Variants in UGT2B11 observed in about 807,000 individuals in gnomAD.
UGT2B11 encodes the protein UDP-glucuronosyltransferase 2B11.
UGT2B11 carries 49 observed loss-of-function variants against 51.7 expected under a neutral mutation model. That is an observed-to-expected ratio of 0.95 (90% confidence interval 0.75 to 1.20). The LOEUF (loss-of-function observed/expected upper bound fraction) is 1.20. Among genes scored for constraint, UGT2B11 ranks in the 50% most tolerant of loss-of-function variants. UGT2B11 has a pLI of 0.00. For synonymous variants in UGT2B11, 273 were observed against 209.0 expected (o/e 1.31, Z -2.64); for missense variants, 810 against 622.1 (o/e 1.30, Z -3.21).
At chr4:69,213,159 T>C (rs1027189919) in intron 1 of UGT2B11, among the ~76,000 whole-genome samples, 10 of 145,582 alleles carry the variant, frequency 6.9e-5, no homozygotes, top group African/African-American at 2.1e-4. Context: ...TTATCTTTGG[T>C]TCAAGTGAAC....
chr4:69,217,462 A>C (rs1286363035), upstream of UGT2B11, among the ~76,000 whole-genome samples: 1 of 152,114 alleles, frequency 6.6e-6, no homozygotes, highest in Non-Finnish European at 1.5e-5. Context: ...TGCATGCATT[A>C]TGTGTCACCC....
At chr4:69,223,742 G>C in the UGT2B11 span, among the ~76,000 whole-genome samples, 21 of 152,236 alleles carry the variant, frequency 1.4e-4, no homozygotes, top group South Asian at 4.2e-4. Flanking sequence ...TGTACTCTAG[G>C]CTTCTGTCCC....
rs551085437 is a variant in UGT2B11 at position 69,204,585 on chromosome 4, G to T, written c.1155C>A (p.Tyr385Ter). 1.9e-6 allele frequency: 3 copies of T among 1,612,134 alleles called. No individual in the cohort carries two copies. The South Asian group carries it at 3.3e-5, about 18-fold the overall frequency. The part of the protein sequence containing the change: ...GGANGIYEAI[Y>*]HGIPMVGIPL... ...GAATGCCCACCATAGGGATCCCATG[G>T]TAGATTGCCTCATAGATGCCATTGG... Residue 385 changes from tyrosine (Y) to a stop codon, truncating the protein, a stop_gained, in exon 5 of 6, where the codon TAC (tyrosine) becomes TAA (stop). Transcript: ENST00000446444. LOFTEE classifies it high-confidence loss of function.
Position 69,214,413 on chromosome 4 carries a change from T to C in UGT2B11, c.310A>G (p.Ser104Gly). The C allele has an allele frequency of 3.7e-6, 6 of 1,613,104 alleles. No homozygotes were observed. The South Asian group carries it at 5.5e-5, about 15-fold the overall frequency. Residue 104 changes from serine (S) to glycine (G), a missense_variant, in exon 1 of 6, where the codon AGC becomes GGC. Transcript: ENST00000446444. ...VKRWSDIRKD[S>G]FWLYFSQEQE... ...TCTTGTGAAAAATATAACCAAAAGC[T>C]ATCTTTTCGAATGTCTGACCATCTC...
chr4:69,207,152 G>A (rs750607581), intron 3 of UGT2B11, among the ~76,000 whole-genome samples: 4 of 151,492 alleles, frequency 2.6e-5, no homozygotes, highest in Non-Finnish European at 4.4e-5. Context: ...ATTGTACTTT[G>A]CTAAATTTGG....
chr4:69,214,821 A>G, upstream of UGT2B11: 1 of 1,512,194 alleles, frequency 6.6e-7, no homozygotes, highest in Non-Finnish European at 8.8e-7. Context: ...CCTCCAATCC[A>G]AAGTAAATAT....
chr4:69,208,311 T>C (rs1401415127), intron 3 of UGT2B11, 40 bp downstream of exon 3: 1 of 1,606,408 alleles, frequency 6.2e-7, no homozygotes, highest in Admixed American at 1.7e-5. Context: ...TAACAGCCTC[T>C]TTCAGCAGTT....
At position 69,208,409 on chromosome 4, in the gene UGT2B11, T is replaced by C; in HGVS notation, c.944A>G (p.Asn315Ser). 2 of 1,610,922 alleles carry C rather than the reference T, an allele frequency of 1.2e-6. No homozygotes were observed. Among genetic ancestry groups the C allele is most frequent in the Middle Eastern group, 1.8e-4 (1 of 5,622 alleles). Residue 315 changes from asparagine (N) to serine (S), a missense_variant, in exon 3 of 6, where the codon AAC becomes AGC. Asn to Ser is a conservative substitution (Grantham distance 46). Coordinates refer to ENST00000446444, the MANE Select transcript of UGT2B11 (RefSeq NM_001073.3). ...TACATTGGCCCTTTCTGCTGTCATG[T>C]TACTTATCACTGACCCCAGAGAAAA... is the stretch of plus-strand genomic sequence containing the variant. ...VVFSLGSVIS[N>S]MTAERANVIA...
chr4:69,217,085 C>T (rs1028689319), upstream of UGT2B11, among the ~76,000 whole-genome samples: 68 of 152,200 alleles, frequency 4.5e-4, no homozygotes, highest in Non-Finnish European at 2.9e-4. Context: ...AGTTACTTTG[C>T]TTCATTTGCA....
upstream of UGT2B11, chr4:69,215,294 A>G (rs1441999079): frequency 6.6e-6 from 1 of 152,192 alleles, no homozygotes; most frequent in South Asian, 2.1e-4. Flanking sequence ...TTCTGCATCC[A>G]CCCTGCACTA....
chr4:69,213,615 C>T (rs1181687077), intron 1 of UGT2B11, among the ~76,000 whole-genome samples: 3 of 151,782 alleles, frequency 2.0e-5, no homozygotes, highest in South Asian at 2.1e-4. Context: ...TCTGCAGTTA[C>T]ATAGATAGTT....
chr4:69,208,300 T>A (rs187886681), intron 3 of UGT2B11, 51 bp downstream of exon 3: 257 of 1,604,304 alleles, frequency 1.6e-4, no homozygotes, highest in Non-Finnish European at 2.0e-4. Flanking sequence ...ATCACAAACA[T>A]TAACAGCCTC....
At chr4:69,220,451 G>A in the UGT2B11 span, among the ~76,000 whole-genome samples, 1 of 53,110 alleles carries the variant, frequency 1.9e-5, no homozygotes, top group Non-Finnish European at 4.6e-5. Flanking sequence ...CTGTGTGGGT[G>A]TGTTGGGGGT....
At chr4:69,203,699 A>C (rs552868156) in intron 5 of UGT2B11, among the ~76,000 whole-genome samples, 1 of 151,840 alleles carries the variant, frequency 6.6e-6, no homozygotes, top group South Asian at 2.1e-4. Context: ...TAAAATAAAA[A>C]CCATAAGAAA....
intron 5 of UGT2B11, 117 bp downstream of exon 5, chr4:69,204,313 A>G (rs1448628936): frequency 1.4e-6 from 2 of 1,450,312 alleles, no homozygotes; most frequent in African/African-American, 1.4e-5. Flanking sequence ...CAGATTGGTT[A>G]TATCATTTAA....
In UGT2B11 at chr4:69,212,968, C is replaced by T. The variant is rs997032877; in HGVS notation, c.722-247G>A. On this transcript the variant is annotated intron_variant, in intron 1 of 5. Coordinates refer to ENST00000446444, the MANE Select transcript of UGT2B11 (RefSeq NM_001073.3). ...ACATCTCTAATGTCAAGTCAGTATA[C>T]TCACAATTATTAAAATAAGTCATAG... is the stretch of plus-strand genomic sequence containing the variant. Among the ~76,000 whole-genome samples, 8 of 151,208 alleles carry T rather than the reference C, an allele frequency of 5.3e-5. No individual in the cohort carries two copies. In the South Asian group the frequency reaches 1.0e-3, roughly 20 times the overall value.
At chr4:69,224,002 C>T in the UGT2B11 span, among the ~76,000 whole-genome samples, 1 of 152,148 alleles carries the variant, frequency 6.6e-6, no homozygotes, top group Non-Finnish European at 1.5e-5. Context: ...ACAGACCTAT[C>T]TTTAAATTGT....
At position 69,199,952 on chromosome 4, in the gene UGT2B11, A is replaced by G. The variant is rs990514715; in HGVS notation, c.*488T>C. 6.5e-6 allele frequency: 1 copy of G among 152,690 alleles called. No individual in the cohort carries two copies. Among genetic ancestry groups the G allele is most frequent in the African/African-American group, 2.4e-5 (1 of 41,448 alleles). The allele number at this position is 152,690 out of a possible 1,614,324, so 9.5% of individuals were successfully genotyped here. Reference sequence around the variant, plus strand: ...CAAAAGGAAGAGAGAGACTTTATATACAATTTAACTATGTAATAGTTTCTT... The same window carrying G: ...CAAAAGGAAGAGAGAGACTTTATATGCAATTTAACTATGTAATAGTTTCTT... On this transcript the variant is annotated 3_prime_UTR_variant, in exon 6 of 6. Coordinates refer to ENST00000446444, the MANE Select transcript of UGT2B11 (RefSeq NM_001073.3).
the UGT2B11 span, among the ~76,000 whole-genome samples, chr4:69,222,851 C>A: frequency 6.6e-6 from 1 of 152,154 alleles, no homozygotes. Context: ...AGTTTGGGTG[C>A]CTTATAAGCA....
Sources: gnomAD v4.1 joint callset for allele counts (sites outside exome capture counted in the v4.1 genomes callset) on GRCh38, gnomAD v4.1.1 for gene constraint, MANE v1.5 for transcripts, NCBI Gene and HGNC (gene_info 2026-07-23, HGNC 2026-07-21) for gene names.